Variants in PRR19 observed in about 807,000 individuals in gnomAD.
PRR19 encodes proline-rich protein 19.
In PRR19, 9 loss-of-function variants were observed where a neutral mutation model predicts 19.2. The observed-to-expected ratio is 0.47, with a 90% confidence interval of 0.28 to 0.82. The LOEUF (loss-of-function observed/expected upper bound fraction) is 0.82, where lower values mean the gene tolerates loss of function less well. PRR19 is among the 40% of genes least tolerant of loss of function. The pLI is 0.11. For synonymous variants in PRR19, 190 were observed against 191.0 expected, an observed-to-expected ratio of 0.99 and a Z score of 0.04; for missense variants, 457 against 466.0, an observed-to-expected ratio of 0.98 and a Z score of 0.18.
In PRR19 at chr19:42,310,031, A is replaced by G. The variant is rs2038769707; in HGVS notation, c.447A>G (p.Ala149=). The part of the protein sequence containing the change: ...PELSGVGQLL[A]ELQCQLSLPQ... ...TGTCTGGCGTGGGGCAGCTGCTGGC[A>G]GAGCTGCAGTGTCAGCTGAGTTTGC... is the stretch of plus-strand genomic sequence containing the variant. The change falls in exon 2 of 3, where the codon GCA becomes GCG. Residue 149 remains alanine, a synonymous_variant. Transcript: ENST00000341747. The G allele has an allele frequency of 1.9e-6, 3 of 1,614,034 alleles. No individual in the cohort carries two copies. Among genetic ancestry groups the G allele is most frequent in the East Asian group, 2.2e-5 (1 of 44,880 alleles).
At chr19:42,303,708 T>C (rs1308517919) in intron 1 of PRR19, among the ~76,000 whole-genome samples, 1 of 152,156 alleles carries the variant, frequency 6.6e-6, no homozygotes, top group Admixed American at 6.5e-5. Flanking sequence ...GCTTGCTGAA[T>C]GAGTAGTAAA....
rs569992703 is a variant in PRR19, at chr19:42,310,558, C to T, written c.889C>T (p.Pro297Ser). The change falls in exon 3 of 3, where the codon CCT becomes TCT. Residue 297 changes from proline to serine, a missense_variant. Pro to Ser is a moderately conservative substitution (Grantham distance 74). Transcript: ENST00000341747. ...CATCTGGCTGGTAGCCACGCCACCCCCTCCTCGGCCCTGGGGGGTTGGCCT... is the reference window on the plus strand; with the variant it reads ...CATCTGGCTGGTAGCCACGCCACCCTCTCCTCGGCCCTGGGGGGTTGGCCT... ...KSIWLVATPP[P>S]PRPWGVGLPQ... 10 of 1,614,176 alleles carry T rather than the reference C, an allele frequency of 6.2e-6. No individual in the cohort carries two copies. In the Admixed American group the frequency reaches 1.2e-4, roughly 19 times the overall value.
rs1364601450 is a variant in PRR19 at position 42,302,178 on chromosome 19, T to C, written c.-332T>C. On this transcript the variant is annotated 5_prime_UTR_variant, in exon 1 of 3. Coordinates refer to ENST00000341747, the MANE Select transcript of PRR19 (RefSeq NM_199285.3). Reference sequence around the variant, plus strand: ...GAGTGGCACGAACCAGCCGTTCTCCTGAGCCACCCCCCGCGCCCCCGGACT... The same window carrying C: ...GAGTGGCACGAACCAGCCGTTCTCCCGAGCCACCCCCCGCGCCCCCGGACT... 15 of 1,527,788 alleles carry C rather than the reference T, an allele frequency of 9.8e-6. No homozygotes were observed. Among genetic ancestry groups the C allele is most frequent in the Non-Finnish European group, 1.3e-5 (15 of 1,126,446 alleles). 94.6% of individuals were successfully genotyped at this position (1,527,788 alleles called of 1,614,324 possible).
chr19:42,310,732 C>T lies in PRR19; in HGVS notation c.1063C>T (p.Leu355=), dbSNP rs1568543979. The change falls in exon 3 of 3, where the codon CTG becomes TTG. Residue 355 remains leucine, a synonymous_variant. Transcript: ENST00000341747. ...AGCCTGGTCTTTTCCACCCATGAGA[C>T]TGTACTGAGGAGAGGCTGAGGCTAG... is the stretch of plus-strand genomic sequence containing the variant. The part of the protein sequence containing the change: ...PEAWSFPPMR[L]Y 3 of 1,550,252 alleles carry T rather than the reference C, an allele frequency of 1.9e-6. No homozygotes were observed. In the South Asian group the frequency reaches 3.7e-5, roughly 19 times the overall value.
intron 1 of PRR19, among the ~76,000 whole-genome samples, chr19:42,308,587 C>A (rs543676072): frequency 1.3e-5 from 2 of 151,878 alleles, no homozygotes; most frequent in Non-Finnish European, 2.9e-5. Context: ...TTAGTAGAGA[C>A]AGGATTTCGG....
intron 1 of PRR19, among the ~76,000 whole-genome samples, chr19:42,307,345 C>T (rs1376758916): frequency 6.6e-6 from 1 of 152,104 alleles, no homozygotes; most frequent in Non-Finnish European, 1.5e-5. Flanking sequence ...CTCGTCTACC[C>T]CTGGATTTCT....
intron 1 of PRR19, among the ~76,000 whole-genome samples, chr19:42,304,912 A>T (rs2038692440): frequency 6.7e-6 from 1 of 149,926 alleles, no homozygotes; most frequent in Non-Finnish European, 1.5e-5. Flanking sequence ...GTCTCCAAAA[A>T]AGAAGTCATA....
rs369129074 is a variant in PRR19 at position 42,310,787 on chromosome 19, T to A, written c.*47T>A. 40 of 1,297,056 alleles carry A rather than the reference T, an allele frequency of 3.1e-5. No individual in the cohort carries two copies. The highest frequency in any genetic ancestry group is 3.6e-5 in the Non-Finnish European group (34 of 937,458). The allele number at this position is 1,297,056 out of a possible 1,614,324, so 80.3% of individuals were successfully genotyped here. ...GGGGACAGATATCTTGTACTCCCAG[T>A]GACCTCAATAAAGTACTTTTCATGG... On this transcript the variant is annotated 3_prime_UTR_variant, in exon 3 of 3. Coordinates refer to ENST00000341747, the MANE Select transcript of PRR19 (RefSeq NM_199285.3).
chr19:42,306,068 C>A (rs1445906197), intron 1 of PRR19, among the ~76,000 whole-genome samples: 2 of 152,184 alleles, frequency 1.3e-5, no homozygotes, highest in Non-Finnish European at 2.9e-5. Flanking sequence ...GTCTTGCCGT[C>A]TCCCTCAGGC....
intron 1 of PRR19, among the ~76,000 whole-genome samples, chr19:42,305,444 A>G (rs1318961018): frequency 6.6e-6 from 1 of 151,450 alleles, no homozygotes; most frequent in Non-Finnish European, 1.5e-5. Flanking sequence ...ACGCCCGGCT[A>G]ATTTTTTGTA....
chr19:42,310,711 T>C lies in PRR19; in HGVS notation c.1042T>C (p.Trp348Arg). ...WVVAQSSPEA[W>R]SFPPMRLY The stretch of plus-strand genomic sequence containing the variant: ...AGTAGCCCAGAGCAGTCCGGAAGCC[T>C]GGTCTTTTCCACCCATGAGACTGTA... Residue 348 changes from tryptophan to arginine, a missense_variant, in exon 3 of 3, where the codon TGG (tryptophan) becomes CGG (arginine). By Grantham distance (101) the Trp-to-Arg change is moderately radical (BLOSUM62 -3). Transcript: ENST00000341747. 2 of 1,567,150 alleles carry C rather than the reference T, an allele frequency of 1.3e-6. No individual in the cohort carries two copies. Among genetic ancestry groups the C allele is most frequent in the Non-Finnish European group, 1.7e-6 (2 of 1,156,130 alleles).
chr19:42,305,348 G>T (rs960439581), intron 1 of PRR19, among the ~76,000 whole-genome samples: 2 of 150,662 alleles, frequency 1.3e-5, no homozygotes, highest in African/African-American at 4.9e-5. Context: ...GCGCGATCTC[G>T]GCTCACTGCA....
rs1278845197 is a variant in PRR19 at position 42,302,242 on chromosome 19, C to T, written c.-268C>T. 3 of 1,599,046 alleles carry T rather than the reference C, an allele frequency of 1.9e-6. No individual in the cohort carries two copies. Among genetic ancestry groups the T allele is most frequent in the Non-Finnish European group, 2.6e-6 (3 of 1,173,112 alleles). On this transcript the variant is annotated 5_prime_UTR_variant, in exon 1 of 3. Transcript: ENST00000341747. Reference sequence around the variant, plus strand: ...GGTGGGAACGCTCACCAGGGACATCCAGCGCCCGTCGCCCTGTACGTCCTG... The same window carrying T: ...GGTGGGAACGCTCACCAGGGACATCTAGCGCCCGTCGCCCTGTACGTCCTG...
chr19:42,303,786 G>C (rs1267746967), intron 1 of PRR19, among the ~76,000 whole-genome samples: 3 of 152,142 alleles, frequency 2.0e-5, no homozygotes, highest in Non-Finnish European at 2.9e-5. Flanking sequence ...AGAGGTGTAG[G>C]GGTGTCAAAG....
intron 1 of PRR19, among the ~76,000 whole-genome samples, chr19:42,306,445 T>G (rs1347012523): frequency 6.6e-6 from 1 of 152,008 alleles, no homozygotes; most frequent in East Asian, 1.9e-4. Context: ...AGTGCTGGGA[T>G]TACAGGCGTG....
At position 42,309,980 on chromosome 19, in the gene PRR19, C is replaced by T. The variant is rs571436612; in HGVS notation, c.396C>T (p.Gly132=). ...DKENQVPGGS[G]PGPPSSPELS... is the part of the protein sequence containing the mutation. Reference sequence around the variant, plus strand: ...AGAACCAGGTGCCTGGAGGTTCGGGCCCAGGCCCACCCAGTTCCCCAGAGT... The same window carrying T: ...AGAACCAGGTGCCTGGAGGTTCGGGTCCAGGCCCACCCAGTTCCCCAGAGT... The change falls in exon 2 of 3, where the codon GGC becomes GGT. Residue 132 remains glycine, a synonymous_variant. Transcript: ENST00000341747. 5.0e-6 allele frequency: 8 copies of T among 1,613,990 alleles called. No individual in the cohort carries two copies. The South Asian group carries it at 7.7e-5, about 16-fold the overall frequency.
In PRR19 at chr19:42,310,034, G is replaced by A; in HGVS notation, c.450G>A (p.Glu150=). Residue 150 remains glutamate, a synonymous_variant, in exon 2 of 3, where the codon GAG becomes GAA. Coordinates refer to ENST00000341747, the MANE Select transcript of PRR19 (RefSeq NM_199285.3). ...ELSGVGQLLA[E]LQCQLSLPQA... is the part of the protein sequence containing the mutation. ...CTGGCGTGGGGCAGCTGCTGGCAGAGCTGCAGTGTCAGCTGAGTTTGCCAC... is the reference window on the plus strand; with the variant it reads ...CTGGCGTGGGGCAGCTGCTGGCAGAACTGCAGTGTCAGCTGAGTTTGCCAC... 6.2e-7 allele frequency: 1 copy of A among 1,614,050 alleles called. No individual in the cohort carries two copies. The highest frequency in any genetic ancestry group is 8.5e-7 in the Non-Finnish European group (1 of 1,180,038).
Position 42,310,174 on chromosome 19 carries a change from C to A in PRR19, c.590C>A (p.Pro197Gln), listed in dbSNP as rs951690862. The A allele has an allele frequency of 4.3e-6, 7 of 1,614,052 alleles. No homozygotes were observed. The highest frequency in any genetic ancestry group is 5.9e-6 in the Non-Finnish European group (7 of 1,180,018). ...GCCCTGGTGCTTCGGGGCTGCCAGC[C>A]ACCCTTGCCAGGTGAGCGTCCCTCC... ...DLALVLRGCQ[P>Q]PLPGAKPGVS... Residue 197 changes from proline (P) to glutamine (Q), a missense_variant, in exon 2 of 3, where the codon CCA becomes CAA. Transcript: ENST00000341747.
intron 1 of PRR19, among the ~76,000 whole-genome samples, chr19:42,307,902 C>T (rs1188697094): frequency 6.6e-6 from 1 of 151,508 alleles, no homozygotes; most frequent in Non-Finnish European, 1.5e-5. Context: ...GGACTACAGG[C>T]GCCCGCCACC....
Sources: allele counts gnomAD v4.1 joint callset (sites outside exome capture counted in the v4.1 genomes callset), GRCh38; gene constraint gnomAD v4.1.1; transcripts MANE v1.5; gene names NCBI Gene and HGNC (gene_info 2026-07-23, HGNC 2026-07-21).